The following MAP3K15 variants were observed in gnomAD, a reference collection of about 807,000 sequenced individuals.
MAP3K15 encodes the protein mitogen-activated protein kinase kinase kinase 15.
Under a neutral mutation model 99.5 loss-of-function variants are expected in MAP3K15, and 124 were observed. The ratio of observed to expected loss-of-function variants is 1.25; its 90% confidence interval spans 1.08 to 1.45. The LOEUF (loss-of-function observed/expected upper bound fraction) is 1.45. Among genes scored for constraint, MAP3K15 ranks in the 40% most tolerant of loss-of-function variants. The pLI is 0.00. For synonymous variants in MAP3K15, 494 were observed against 439.6 expected, an observed-to-expected ratio of 1.12 and a Z score of -1.55; for missense variants, 1,242 against 1,079.7, an observed-to-expected ratio of 1.15 and a Z score of -2.11.
At chrX:19,426,932 A>C (rs1336459445) in intron 7 of MAP3K15, among the ~76,000 whole-genome samples, 1 of 109,008 alleles carries the variant, frequency 9.2e-6, no homozygotes, top group Admixed American at 9.9e-5. Context: ...CAGGGACTAT[A>C]TAAAATAGGG....
intron 25 of MAP3K15, among the ~76,000 whole-genome samples, chrX:19,365,778 AG>A (rs1461477869): frequency 1.8e-5 from 2 of 111,106 alleles, no homozygotes; most frequent in Non-Finnish European, 3.8e-5. Flanking sequence ...AGGCCAAGGC[AG>A]GTGGATCACC....
At chrX:19,471,722 A>G (rs2064208883) in intron 3 of MAP3K15, among the ~76,000 whole-genome samples, 1 of 111,999 alleles carries the variant, frequency 8.9e-6, no homozygotes, top group South Asian at 3.7e-4. Flanking sequence ...GTTTTGTCAT[A>G]TACAAGAGAA....
intron 6 of MAP3K15, among the ~76,000 whole-genome samples, chrX:19,432,334 C>T (rs899321785): frequency 1.8e-5 from 2 of 110,604 alleles, no homozygotes; most frequent in Admixed American, 9.7e-5. Flanking sequence ...GAGGCCAAGG[C>T]GGGTGGATCA....
At chrX:19,363,661 T>C (rs1376018159) in intron 25 of MAP3K15, among the ~76,000 whole-genome samples, 1 of 108,040 alleles carries the variant, frequency 9.3e-6, no homozygotes, top group Non-Finnish European at 1.9e-5. Context: ...TTTTTGTTTT[T>C]TTTTTTTTGG....
Position 19,371,082 on chromosome X carries a change from AAT to A in MAP3K15, c.3295-20_3295-19del. 9.5e-7 allele frequency: 1 copy of A among 1,055,710 alleles called. No homozygotes were observed. The highest frequency in any genetic ancestry group is 1.3e-6 in the Non-Finnish European group (1 of 794,190). 87.0% of individuals were successfully genotyped at this position (1,055,710 alleles called of 1,213,427 possible). ...TTATTTACCTAAAAAAAAAAAAAAT[AAT>A]AAAATAAACTAAAATCACAAAAATC... On this transcript the variant is annotated intron_variant, in intron 23 of 28. Transcript: ENST00000338883.
chrX:19,471,441 T>C (rs760354515), intron 3 of MAP3K15, among the ~76,000 whole-genome samples: 1 of 111,216 alleles, frequency 9.0e-6, no homozygotes, highest in Admixed American at 9.6e-5. Context: ...TTTGTATTTT[T>C]AGTAGAGACA....
chrX:19,421,544 GGAA>G (rs1569219154), intron 9 of MAP3K15, among the ~76,000 whole-genome samples: 1 of 110,604 alleles, frequency 9.0e-6, no homozygotes, highest in Admixed American at 9.7e-5. Flanking sequence ...ACAAGGAAAC[GGAA>G]GAACTTTCCA....
At position 19,369,080 on chromosome X, in the gene MAP3K15, C is replaced by T; in HGVS notation, c.3540G>A (p.Leu1180=). ...TGTTGGTCTCCTGTCTGAGCTCACCCAGCTGGAGGCTCAGGTGCTGCTGGT... is the reference window on the plus strand; with the variant it reads ...TGTTGGTCTCCTGTCTGAGCTCACCTAGCTGGAGGCTCAGGTGCTGCTGGT... The part of the protein sequence containing the change: ...QPHQQHLSLQ[L]GELRQETNRL... The change falls in exon 25 of 29, where the codon CTG becomes CTA. Residue 1180 remains leucine (L), a synonymous_variant. Transcript: ENST00000338883. 1 of 1,207,134 alleles carries T rather than the reference C, an allele frequency of 8.3e-7. No homozygotes were observed.
rs1555946603 is a variant in MAP3K15 at position 19,395,071 on chromosome X, G to A, written c.2194+10C>T. The A allele has an allele frequency of 1.2e-5, 15 of 1,204,489 alleles. No homozygotes were observed. In the South Asian group the frequency reaches 1.8e-4, roughly 14 times the overall value. ...TCAGAATGTGAGACCAGAAGACAGC[G>A]ACTACTCACCTCCAGGCACCTGCTC... On this transcript the variant is annotated intron_variant, in intron 16 of 28. Transcript: ENST00000338883.
intron 6 of MAP3K15, among the ~76,000 whole-genome samples, chrX:19,438,594 A>G (rs2063938359): frequency 8.9e-6 from 1 of 111,856 alleles, no homozygotes; most frequent in South Asian, 3.7e-4. Flanking sequence ...GCCATGAGCT[A>G]TGGGTGTGCC....
At chrX:19,395,896 T>C (rs970365155) in intron 15 of MAP3K15, among the ~76,000 whole-genome samples, 7 of 112,240 alleles carry the variant, frequency 6.2e-5, no homozygotes, top group Non-Finnish European at 1.1e-4. Flanking sequence ...ATTCAAGTCA[T>C]ATCAGACAAT....
intron 19 of MAP3K15, among the ~76,000 whole-genome samples, chrX:19,378,532 G>A (rs991881514): frequency 9.0e-6 from 1 of 111,610 alleles, no homozygotes; most frequent in African/African-American, 3.3e-5. Flanking sequence ...ATCAGATCTC[G>A]TGAGAACTCA....
rs759642630 is a variant in MAP3K15 at position 19,459,277 on chromosome X, T to C, written c.888+708A>G. Among the ~76,000 whole-genome samples, 145 of 112,110 alleles carry C rather than the reference T, an allele frequency of 1.3e-3. 1 individual carries two copies. The highest frequency in any genetic ancestry group is 4.4e-3 in the African/African-American group (137 of 30,935). On this transcript the variant is annotated intron_variant, in intron 5 of 28. Transcript: ENST00000338883. ...ACCGCTCTGTGCCTCAGTTTCCTCA[T>C]GTGTAAAATGTGGATAATCAGAGTA...
At chrX:19,414,924 T>C (rs1203524131) in intron 10 of MAP3K15, among the ~76,000 whole-genome samples, 183 bp downstream of exon 10, 1 of 112,037 alleles carries the variant, frequency 8.9e-6, no homozygotes, top group African/African-American at 3.2e-5. Flanking sequence ...CTATAGAGGA[T>C]ATGGCCAATG....
At chrX:19,394,191 G>A (rs964536051) in intron 16 of MAP3K15, among the ~76,000 whole-genome samples, 16 of 111,690 alleles carry the variant, frequency 1.4e-4, no homozygotes, top group African/African-American at 5.2e-4. Flanking sequence ...TCTGTATTCA[G>A]ATAACTATTA....
chrX:19,476,683 C>T (rs2064245458), intron 3 of MAP3K15, among the ~76,000 whole-genome samples: 1 of 112,157 alleles, frequency 8.9e-6, no homozygotes, highest in African/African-American at 3.2e-5. Context: ...TATTCAGAAA[C>T]TGTATAACAA....
At chrX:19,459,841 A>G in intron 5 of MAP3K15, 144 bp downstream of exon 5, 2 of 431,466 alleles carry the variant, frequency 4.6e-6, no homozygotes, top group Non-Finnish European at 7.2e-6. Flanking sequence ...CAAGAGCAAA[A>G]CTCCATCTCA....
At chrX:19,478,222 G>A (rs1447293043) in intron 3 of MAP3K15, among the ~76,000 whole-genome samples, 47 of 76,579 alleles carry the variant, frequency 6.1e-4, no homozygotes, top group Non-Finnish European at 9.7e-4. Context: ...GAGGGAGAGA[G>A]AAAGAACCAA....
intron 3 of MAP3K15, among the ~76,000 whole-genome samples, chrX:19,480,748 C>T (rs746144633): frequency 1.9e-5 from 2 of 105,622 alleles, no homozygotes; most frequent in South Asian, 8.8e-4. Context: ...ATTGCTTGAA[C>T]CCGGGAGGCA....
Sources: allele counts gnomAD v4.1 joint callset (sites outside exome capture counted in the v4.1 genomes callset), GRCh38; gene constraint gnomAD v4.1.1; transcripts MANE v1.5; gene names NCBI Gene and HGNC (gene_info 2026-07-23, HGNC 2026-07-21).